The following GPHN variants were observed in gnomAD, a reference collection of about 807,000 sequenced individuals.
The protein encoded by GPHN is gephyrin.
GPHN carries 17 observed loss-of-function variants against 95.5 expected under a neutral mutation model. That is an observed-to-expected ratio of 0.18 (90% CI 0.12 to 0.27). GPHN has a LOEUF of 0.27. Ranked by LOEUF, GPHN falls within the 10% of genes least tolerant of loss-of-function variation. GPHN has a pLI of 1.00. For missense variants in GPHN, 660 were observed against 978.1 expected, an observed-to-expected ratio of 0.67 and a Z score of 4.34; for synonymous variants, 320 against 322.5, an observed-to-expected ratio of 0.99 and a Z score of 0.08.
intron 13 of GPHN, among the ~76,000 whole-genome samples, chr14:67,105,746 C>T (rs2077997639): frequency 6.6e-6 from 1 of 152,052 alleles, no homozygotes; most frequent in African/African-American, 2.4e-5. Flanking sequence ...CTCATGTAGG[C>T]AGCAAATAGT....
chr14:67,475,537 A>G, the GPHN span, among the ~76,000 whole-genome samples: 1 of 152,204 alleles, frequency 6.6e-6, no homozygotes, highest in Non-Finnish European at 1.5e-5. Context: ...ATTTCTCCAC[A>G]TCCACCCCAA....
intron 18 of GPHN, among the ~76,000 whole-genome samples, chr14:67,156,775 G>A (rs184500881): frequency 2.6e-5 from 4 of 151,876 alleles, no homozygotes; most frequent in East Asian, 3.9e-4. Flanking sequence ...CCAGGAGTTC[G>A]AGACCAGCCT....
intron 3 of GPHN, among the ~76,000 whole-genome samples, chr14:66,789,556 C>A (rs1171904363): frequency 6.6e-6 from 1 of 152,198 alleles, no homozygotes; most frequent in African/African-American, 2.4e-5. Flanking sequence ...GGAAAGCATG[C>A]AGTTTCTATG....
intron 8 of GPHN, among the ~76,000 whole-genome samples, chr14:66,955,808 G>C (rs908167586): frequency 6.6e-6 from 1 of 152,004 alleles, no homozygotes; most frequent in Non-Finnish European, 1.5e-5. Context: ...TGCGGTGTTT[G>C]GATTTTTGTC....
the GPHN span, chr14:67,335,149 C>G: frequency 6.6e-6 from 1 of 152,202 alleles, no homozygotes; most frequent in Non-Finnish European, 1.5e-5. Context: ...TCAGTGAAGT[C>G]TATCAATCAT....
the GPHN span, chr14:67,279,754 A>C: frequency 9.5e-6 from 4 of 421,938 alleles, no homozygotes; most frequent in Non-Finnish European, 4.1e-6. Context: ...AGTCACTATA[A>C]CATGTTTTTT....
At chr14:66,581,312 G>A (rs1197932115) in intron 1 of GPHN, among the ~76,000 whole-genome samples, 1 of 151,478 alleles carries the variant, frequency 6.6e-6, no homozygotes, top group African/African-American at 2.4e-5. Flanking sequence ...GTTACTTTAT[G>A]CAATCAAACC....
the GPHN span, among the ~76,000 whole-genome samples, chr14:67,426,899 G>A: frequency 6.6e-6 from 1 of 152,112 alleles, no homozygotes; most frequent in Non-Finnish European, 1.5e-5. Flanking sequence ...AAGAGACAAC[G>A]TCTGCAGATT....
intron 9 of GPHN, among the ~76,000 whole-genome samples, chr14:67,003,071 A>T (rs1263779723): frequency 1.3e-5 from 2 of 151,542 alleles, no homozygotes; most frequent in Admixed American, 1.3e-4. Flanking sequence ...CTGCCAGGTG[A>T]CTATCTTCTC....
intron 4 of GPHN, among the ~76,000 whole-genome samples, chr14:66,844,697 C>T (rs1326964913): frequency 6.6e-6 from 1 of 151,994 alleles, no homozygotes; most frequent in Non-Finnish European, 1.5e-5. Flanking sequence ...AAGTTAAAAT[C>T]ATTTCAGTAG....
chr14:67,477,902 C>T, the GPHN span, among the ~76,000 whole-genome samples: 5 of 152,232 alleles, frequency 3.3e-5, no homozygotes, highest in Non-Finnish European at 5.9e-5. Context: ...CTGGCTTCCT[C>T]TGCCACATCC....
At chr14:66,992,788 A>G (rs1169804027) in intron 9 of GPHN, among the ~76,000 whole-genome samples, 2 of 152,174 alleles carry the variant, frequency 1.3e-5, no homozygotes, top group South Asian at 2.1e-4. Flanking sequence ...AGAAACATAA[A>G]AAGAAGAACA....
intron 9 of GPHN, among the ~76,000 whole-genome samples, chr14:66,977,123 G>A (rs890385095): frequency 6.6e-6 from 1 of 152,092 alleles, no homozygotes; most frequent in Non-Finnish European, 1.5e-5. Context: ...TTGTATACCT[G>A]TGTTCTCTAC....
At chr14:67,650,023 C>G in the GPHN span, 1 of 152,294 alleles carries the variant, frequency 6.6e-6, no homozygotes, top group Admixed American at 6.5e-5. Context: ...CACAAGTTCT[C>G]AAACCTTAAC....
chr14:67,067,862 G>A (rs963736615), intron 11 of GPHN, among the ~76,000 whole-genome samples: 7 of 152,186 alleles, frequency 4.6e-5, no homozygotes, highest in East Asian at 1.9e-4. Context: ...AATCTGTCAC[G>A]GCTTCCCTTG....
At chr14:66,777,120 A>G (rs993833625) in intron 3 of GPHN, among the ~76,000 whole-genome samples, 2 of 152,142 alleles carry the variant, frequency 1.3e-5, no homozygotes, top group African/African-American at 4.8e-5. Flanking sequence ...AATAGACGCA[A>G]TAAAAAATGA....
chr14:67,137,495 G>A (rs1436448000), intron 17 of GPHN, among the ~76,000 whole-genome samples: 1 of 152,070 alleles, frequency 6.6e-6, no homozygotes, highest in Admixed American at 6.5e-5. Flanking sequence ...CAGGTGCAGT[G>A]GCTCATGCCT....
At chr14:66,873,188 C>A (rs1456479520) in intron 4 of GPHN, among the ~76,000 whole-genome samples, 1 of 152,190 alleles carries the variant, frequency 6.6e-6, no homozygotes, top group Non-Finnish European at 1.5e-5. Context: ...AGGGAAGTCC[C>A]TCCCCTTGCC....
chr14:66,828,989 A>T (rs2061482817), intron 4 of GPHN, among the ~76,000 whole-genome samples: 1 of 151,830 alleles, frequency 6.6e-6, no homozygotes, highest in South Asian at 2.1e-4. Context: ...TGCTATCAAA[A>T]CTTACATATG....
Sources: gnomAD v4.1 joint callset for allele counts (sites outside exome capture counted in the v4.1 genomes callset) on GRCh38, gnomAD v4.1.1 for gene constraint, MANE v1.5 for transcripts, NCBI Gene and HGNC (gene_info 2026-07-23, HGNC 2026-07-21) for gene names.